Variants in WAC observed in about 807,000 individuals in gnomAD.
WAC encodes the protein WW domain-containing adapter protein with coiled-coil.
In WAC, 11 loss-of-function variants were observed where a neutral mutation model predicts 79.6. The observed-to-expected ratio is 0.14, with a 90% CI of 0.09 to 0.23. WAC has a LOEUF of 0.23. WAC is among the 10% of genes least tolerant of loss of function. The pLI is 1.00. For missense variants in WAC, 728 were observed against 773.5 expected (o/e 0.94, Z 0.70); for synonymous variants, 304 against 276.9 (o/e 1.10, Z -0.97).
chr10:28,536,882 A>G (rs1397416231), intron 3 of WAC, among the ~76,000 whole-genome samples: 1 of 152,232 alleles, frequency 6.6e-6, no homozygotes, highest in Non-Finnish European at 1.5e-5. Flanking sequence ...TACAATATTA[A>G]AAGCTTCCAA....
At chr10:28,540,547 C>T (rs970627153) in intron 3 of WAC, among the ~76,000 whole-genome samples, 2 of 152,182 alleles carry the variant, frequency 1.3e-5, no homozygotes, top group African/African-American at 4.8e-5. Flanking sequence ...GACATGGAAG[C>T]ATGACACAGA....
At chr10:28,616,644 T>C (rs1388130570) in intron 12 of WAC, among the ~76,000 whole-genome samples, 1 of 152,212 alleles carries the variant, frequency 6.6e-6, no homozygotes, top group African/African-American at 2.4e-5. Flanking sequence ...AGCTAAGCAG[T>C]GTAGATAGAG....
intron 9 of WAC, chr10:28,611,569 T>G: frequency 7.7e-7 from 1 of 1,295,658 alleles, no homozygotes; most frequent in Non-Finnish European, 1.0e-6. Flanking sequence ...TGGGTGTGCT[T>G]ACCTCTGAAC....
At position 28,603,942 on chromosome 10, in the gene WAC, A is replaced by AT. The variant is rs1433567622; in HGVS notation, c.920-4244_920-4243insT. Among the ~76,000 whole-genome samples, 76 of 21,982 alleles carry AT rather than the reference A, an allele frequency of 3.5e-3. 4 individuals carry two copies. Among genetic ancestry groups the AT allele is most frequent in the South Asian group, 5.1e-3 (2 of 392 alleles). 14.4% of individuals were successfully genotyped at this position (21,982 alleles called of 152,430 possible). ...GAGCAAGACTCCGTCTCAAAAAAAAAATATATATATGTATGTATGTATATA... is the reference window on the plus strand; with the variant it reads ...GAGCAAGACTCCGTCTCAAAAAAAAATATATATATATGTATGTATGTATATA... On this transcript the variant is annotated intron_variant, in intron 7 of 13. Coordinates refer to ENST00000354911, the MANE Select transcript of WAC (RefSeq NM_016628.5).
At chr10:28,540,197 T>G (rs1333565961) in intron 3 of WAC, among the ~76,000 whole-genome samples, 1 of 152,354 alleles carries the variant, frequency 6.6e-6, no homozygotes, top group African/African-American at 2.4e-5. Flanking sequence ...ATGTTAACTT[T>G]GGAAGACAAC....
intron 7 of WAC, among the ~76,000 whole-genome samples, chr10:28,597,271 TGA>T (rs765614934): frequency 2.4e-4 from 36 of 152,290 alleles, no homozygotes; most frequent in Middle Eastern, 6.8e-3. Flanking sequence ...AGAGAAATAT[TGA>T]GAGATGAAAT....
intron 3 of WAC, among the ~76,000 whole-genome samples, chr10:28,566,482 A>G (rs1008923694): frequency 3.3e-5 from 5 of 152,164 alleles, no homozygotes; most frequent in African/African-American, 1.2e-4. Flanking sequence ...TTTGGTGTAC[A>G]CTGTCAGTCC....
chr10:28,600,748 T>G (rs1192048915), intron 7 of WAC, among the ~76,000 whole-genome samples: 1 of 151,810 alleles, frequency 6.6e-6, no homozygotes, highest in Non-Finnish European at 1.5e-5. Flanking sequence ...AACTTCTTTA[T>G]AAAAAGTACA....
At position 28,545,158 on chromosome 10, in the gene WAC, A is replaced by G. The variant is rs781333789; in HGVS notation, c.274+9401A>G. Among the ~76,000 whole-genome samples, 149 of 151,728 alleles carry G rather than the reference A, an allele frequency of 9.8e-4. 4 individuals are homozygous for G. Among genetic ancestry groups the G allele is most frequent in the Non-Finnish European group, 1.6e-4 (11 of 67,950 alleles). Reference sequence around the variant, plus strand: ...TTACAGCTTCCTTGACTCCCTCCCCATTACCCAGAATCAAAGCAATAGTTG... The same window carrying G: ...TTACAGCTTCCTTGACTCCCTCCCCGTTACCCAGAATCAAAGCAATAGTTG... On this transcript the variant is annotated intron_variant, in intron 3 of 13. Transcript: ENST00000354911.
chr10:28,541,212 C>T (rs56993481), intron 3 of WAC, among the ~76,000 whole-genome samples: 3 of 151,756 alleles, frequency 2.0e-5, no homozygotes, highest in African/African-American at 7.3e-5. Context: ...TTTATATATT[C>T]TAATTTGTGT....
rs1305269476 is a variant in WAC, at chr10:28,622,233, T to C, written c.*2627T>C. On this transcript the variant is annotated 3_prime_UTR_variant, in exon 14 of 14. Transcript: ENST00000354911. ...AATTTTGTGGAAATATTTTAAATATTGCACCTTAATACAAGGTATCCAGCT... is the reference window on the plus strand; with the variant it reads ...AATTTTGTGGAAATATTTTAAATATCGCACCTTAATACAAGGTATCCAGCT... 1 of 152,178 alleles carries C rather than the reference T, an allele frequency of 6.6e-6. No homozygotes were observed. Among genetic ancestry groups the C allele is most frequent in the East Asian group, 1.9e-4 (1 of 5,196 alleles). 9.4% of individuals were successfully genotyped at this position (152,178 alleles called of 1,614,324 possible).
At chr10:28,600,186 C>T (rs1414661897) in intron 7 of WAC, among the ~76,000 whole-genome samples, 1 of 151,376 alleles carries the variant, frequency 6.6e-6, no homozygotes, top group Non-Finnish European at 1.5e-5. Context: ...ATTTAGTAAT[C>T]TCAAGCTAGC....
intron 3 of WAC, chr10:28,538,348 G>A (rs1036574188): frequency 8.4e-5 from 26 of 311,008 alleles, no homozygotes; most frequent in Admixed American, 7.1e-4. Flanking sequence ...TTGGGAGGCC[G>A]AGGCAGGCAG....
rs1281616304 is a variant in WAC at position 28,620,897 on chromosome 10, A to C, written c.*1291A>C. 1 of 152,192 alleles carries C rather than the reference A, an allele frequency of 6.6e-6. No individual in the cohort carries two copies. Among genetic ancestry groups the C allele is most frequent in the African/African-American group, 2.4e-5 (1 of 41,442 alleles). 9.4% of individuals were successfully genotyped at this position (152,192 alleles called of 1,614,324 possible). A position where few individuals can be genotyped will look rare whatever the true frequency, so the allele number is the denominator to read the frequency against. ...CAAAACGCTAAATTTGTGTAATTGG[A>C]GCTTCCTGCTGTTATCTGGAAATAG... is the stretch of plus-strand genomic sequence containing the variant. On this transcript the variant is annotated 3_prime_UTR_variant, in exon 14 of 14. Coordinates refer to ENST00000354911, the MANE Select transcript of WAC (RefSeq NM_016628.5).
intron 6 of WAC, 84 bp from the exon 7 acceptor site, chr10:28,595,649 T>TG: frequency 2.3e-6 from 3 of 1,321,634 alleles, no homozygotes; most frequent in Non-Finnish European, 3.1e-6. Context: ...AATTAGCTGA[T>TG]GTTAAAGGTA....
chr10:28,548,515 A>G (rs1008197512), intron 3 of WAC, among the ~76,000 whole-genome samples: 7 of 152,082 alleles, frequency 4.6e-5, no homozygotes, highest in Non-Finnish European at 1.0e-4. Flanking sequence ...AGCTGTGTTC[A>G]TTTCATCCAC....
rs781373726 is a variant in WAC, at chr10:28,620,738, AG to A, written c.*1133del. ...ATAAGAAATTCAACAAGAATGATTA[AG>A]TCACTTCCCAAGTGGTTGTCATTTG... On this transcript the variant is annotated 3_prime_UTR_variant, in exon 14 of 14. Coordinates refer to ENST00000354911, the MANE Select transcript of WAC (RefSeq NM_016628.5). The A allele has an allele frequency of 1.4e-4, 22 of 152,252 alleles. No individual in the cohort carries two copies. The highest frequency in any genetic ancestry group is 2.8e-4 in the Non-Finnish European group (19 of 68,040). 9.4% of individuals were successfully genotyped at this position (152,252 alleles called of 1,614,324 possible). A position where few individuals can be genotyped will look rare whatever the true frequency, so the allele number is the denominator to read the frequency against.
At chr10:28,560,996 A>C (rs1045660657) in intron 3 of WAC, among the ~76,000 whole-genome samples, 4 of 152,178 alleles carry the variant, frequency 2.6e-5, no homozygotes, top group African/African-American at 9.7e-5. Context: ...GAGAATGTCT[A>C]CTGAATGCCA....
intron 3 of WAC, among the ~76,000 whole-genome samples, chr10:28,579,425 G>A (rs561527424): frequency 6.6e-6 from 1 of 152,100 alleles, no homozygotes; most frequent in Non-Finnish European, 1.5e-5. Flanking sequence ...ACTAGATTTG[G>A]GATTGAAATT....
Sources: gnomAD v4.1 joint callset for allele counts (sites outside exome capture counted in the v4.1 genomes callset) on GRCh38, gnomAD v4.1.1 for gene constraint, MANE v1.5 for transcripts, NCBI Gene and HGNC (gene_info 2026-07-23, HGNC 2026-07-21) for gene names.